DGKH: variants seen among roughly 807,000 people sequenced by gnomAD.
DGKH encodes the protein diacylglycerol kinase eta.
DGKH carries 90 observed loss-of-function variants against 159.3 expected under a neutral mutation model. That is an observed-to-expected ratio of 0.57 (90% CI 0.48 to 0.67). The LOEUF is 0.67. DGKH is among the 30% of genes least tolerant of loss of function. DGKH has a pLI of 0.00. For synonymous variants in DGKH, 536 were observed against 553.8 expected (o/e 0.97, Z 0.45); for missense variants, 1,181 against 1,506.1 (o/e 0.78, Z 3.57).
At chr13:42,200,989 T>G (rs1317082674) in intron 20 of DGKH, among the ~76,000 whole-genome samples, 1 of 151,846 alleles carries the variant, frequency 6.6e-6, no homozygotes, top group African/African-American at 2.4e-5. Flanking sequence ...TTCTTTTTAT[T>G]TATTTATTTA....
intron 1 of DGKH, among the ~76,000 whole-genome samples, chr13:42,058,835 A>G (rs1259077638): frequency 6.6e-6 from 1 of 152,230 alleles, no homozygotes; most frequent in Non-Finnish European, 1.5e-5. Context: ...CAGATTATCC[A>G]GTGGAAGCAG....
intron 5 of DGKH, among the ~76,000 whole-genome samples, chr13:42,156,147 T>G (rs1402249627): frequency 6.6e-6 from 1 of 152,262 alleles, no homozygotes; most frequent in Non-Finnish European, 1.5e-5. Context: ...TGCATTGTTT[T>G]AAATATTGTT....
intron 21 of DGKH, among the ~76,000 whole-genome samples, chr13:42,206,662 C>T (rs1015814532): frequency 3.3e-5 from 5 of 152,064 alleles, no homozygotes; most frequent in Non-Finnish European, 5.9e-5. Context: ...GTCTTTGGAG[C>T]GTCTCGAGGC....
intron 1 of DGKH, among the ~76,000 whole-genome samples, chr13:42,095,525 T>A (rs1456301349): frequency 6.6e-6 from 1 of 152,104 alleles, no homozygotes; most frequent in Non-Finnish European, 1.5e-5. Flanking sequence ...CATGTTGGAG[T>A]TAGGAGCTGT....
rs1435472709 is a variant in DGKH at position 42,207,086 on chromosome 13, TTTC to T, written c.2601+943_2601+945del. 8.1e-5 allele frequency among the ~76,000 whole-genome samples: 11 copies of T among 135,552 alleles called. 1 individual carries two copies. The highest frequency in any genetic ancestry group is 3.1e-4 in the African/African-American group (11 of 35,682). 88.9% of individuals were successfully genotyped at this position (135,552 alleles called of 152,430 possible). ...CCTTCTTTCTTTCTTTCTTTCTTTC[TTTC>T]TTTCTTTCTTTCTTTCTTTCTTTCT... On this transcript the variant is annotated intron_variant, in intron 21 of 29. Coordinates refer to ENST00000337343, the MANE Select transcript of DGKH (RefSeq NM_178009.5).
intron 1 of DGKH, among the ~76,000 whole-genome samples, chr13:42,077,743 G>A (rs1954126777): frequency 2.0e-5 from 3 of 152,182 alleles, no homozygotes; most frequent in Admixed American, 2.0e-4. Context: ...GAAAATAAAA[G>A]AGACAGCTGA....
chr13:42,061,234 C>G (rs1331182870), intron 1 of DGKH, among the ~76,000 whole-genome samples: 1 of 152,150 alleles, frequency 6.6e-6, no homozygotes, highest in Non-Finnish European at 1.5e-5. Context: ...TCTTATGCAA[C>G]TGGGCTTTCC....
intron 7 of DGKH, among the ~76,000 whole-genome samples, 177 bp from the exon 8 acceptor site, chr13:42,165,154 A>G (rs574638838): frequency 9.3e-4 from 142 of 152,236 alleles, no homozygotes; most frequent in Non-Finnish European, 2.6e-4. Context: ...TCAAATTTCC[A>G]TTTCTAAAAT....
chr13:42,124,153 GA>G (rs1342268958), intron 1 of DGKH, among the ~76,000 whole-genome samples: 1 of 152,106 alleles, frequency 6.6e-6, no homozygotes, highest in East Asian at 1.9e-4. Flanking sequence ...CAAGATATAT[GA>G]CATTTAAAAT....
At chr13:42,070,918 A>T in intron 1 of DGKH, 2 of 1,266,578 alleles carry the variant, frequency 1.6e-6, no homozygotes, top group Non-Finnish European at 2.3e-6. Context: ...AGCATGTTTG[A>T]CACTCTGGGG....
chr13:42,221,025 C>A, intron 28 of DGKH: 1 of 365,802 alleles, frequency 2.7e-6, no homozygotes, highest in Non-Finnish European at 4.9e-6. Flanking sequence ...GGAAACTGGA[C>A]TAAAGCTAAG....
At chr13:42,220,343 A>C (rs1365128630) in intron 28 of DGKH, among the ~76,000 whole-genome samples, 1 of 152,182 alleles carries the variant, frequency 6.6e-6, no homozygotes, top group Admixed American at 6.5e-5. Flanking sequence ...TGATACTTGC[A>C]TTCTCAAGCA....
At chr13:42,193,935 T>C (rs780454129) in intron 16 of DGKH, among the ~76,000 whole-genome samples, 3 of 152,234 alleles carry the variant, frequency 2.0e-5, no homozygotes, top group Non-Finnish European at 4.4e-5. Flanking sequence ...TTGCTCTGCA[T>C]TAACTTGCCT....
chr13:42,111,999 C>T (rs191263675), intron 1 of DGKH, among the ~76,000 whole-genome samples: 209 of 152,340 alleles, frequency 1.4e-3, no homozygotes, highest in African/African-American at 4.4e-3. Context: ...TTCACCCTGG[C>T]ATGCCCTGCA....
intron 7 of DGKH, among the ~76,000 whole-genome samples, chr13:42,161,014 C>T (rs1054828185): frequency 2.0e-5 from 3 of 152,190 alleles, no homozygotes; most frequent in Admixed American, 6.5e-5. Flanking sequence ...TCTTTGTCCT[C>T]ATGCTTTTGT....
rs567727641 is a variant in DGKH at position 42,064,637 on chromosome 13, A to T, written c.192+15672A>T. On this transcript the variant is annotated intron_variant, in intron 1 of 29. Transcript: ENST00000337343. ...CTGTTGGCAGAGGTTAAGTCCAAGAATTAAACTTTAATCATTCAAATTTAA... is the reference window on the plus strand; with the variant it reads ...CTGTTGGCAGAGGTTAAGTCCAAGATTTAAACTTTAATCATTCAAATTTAA... 2.0e-5 allele frequency among the ~76,000 whole-genome samples: 3 copies of T among 152,308 alleles called. No homozygotes were observed. The South Asian group carries it at 6.2e-4, about 32-fold the overall frequency.
At chr13:42,189,411 TA>T in intron 15 of DGKH, 102 bp downstream of exon 15, 1 of 1,465,454 alleles carries the variant, frequency 6.8e-7, no homozygotes, top group South Asian at 1.4e-5. Flanking sequence ...TTTTTAAAAA[TA>T]AAATTTTTAA....
At position 42,129,557 on chromosome 13, in the gene DGKH, G is replaced by C. The variant is rs200966308; in HGVS notation, c.309G>C (p.Leu103=). 1.2e-5 allele frequency: 20 copies of C among 1,611,384 alleles called. No individual in the cohort carries two copies. The highest frequency in any genetic ancestry group is 1.6e-5 in the Non-Finnish European group (19 of 1,178,612). The stretch of plus-strand genomic sequence containing the variant: ...ATGTTTTTTTTCATTAACAGTCTCT[G>C]ATATTTGATGAAGTTGACCTCTCAG... The part of the protein sequence containing the change: ...TLYYAKDSKS[L]IFDEVDLSDA... Residue 103 remains leucine, a synonymous_variant, in exon 3 of 30, where the codon CTG becomes CTC. Coordinates refer to ENST00000337343, the MANE Select transcript of DGKH (RefSeq NM_178009.5).
intron 29 of DGKH, among the ~76,000 whole-genome samples, chr13:42,227,716 T>C (rs1441883941): frequency 3.9e-5 from 6 of 152,214 alleles, no homozygotes; most frequent in Non-Finnish European, 8.8e-5. Context: ...CTTGAAATTA[T>C]CTCAAGTTTG....
Sources: gnomAD v4.1 joint callset for allele counts (sites outside exome capture counted in the v4.1 genomes callset) on GRCh38, gnomAD v4.1.1 for gene constraint, MANE v1.5 for transcripts, NCBI Gene and HGNC (gene_info 2026-07-23, HGNC 2026-07-21) for gene names.